The following KCNH1 variants were observed in gnomAD, a reference collection of about 807,000 sequenced individuals.
KCNH1 encodes potassium voltage-gated channel subfamily H member 1.
A neutral mutation model predicts 69.2 loss-of-function variants in KCNH1; 27 were observed. That is an observed-to-expected ratio of 0.39 (90% CI 0.29 to 0.54). The LOEUF (loss-of-function observed/expected upper bound fraction) is 0.54, where lower values mean the gene tolerates loss of function less well. Among genes scored for constraint, KCNH1 ranks in the 20% least tolerant of loss-of-function variants. The pLI is 0.68. For missense variants in KCNH1, 798 were observed against 1,261.6 expected, an observed-to-expected ratio of 0.63 and a Z score of 5.57; for synonymous variants, 456 against 487.7, an observed-to-expected ratio of 0.93 and a Z score of 0.86.
At chr1:210,693,457 G>A (rs1253648005) in intron 10 of KCNH1, among the ~76,000 whole-genome samples, 1 of 152,200 alleles carries the variant, frequency 6.6e-6, no homozygotes, top group Admixed American at 6.5e-5. Context: ...GGTGGGAGGA[G>A]CAACCAAAGA....
intron 10 of KCNH1, among the ~76,000 whole-genome samples, chr1:210,774,790 C>G (rs1176922388): frequency 6.6e-6 from 1 of 152,176 alleles, no homozygotes; most frequent in Non-Finnish European, 1.5e-5. Flanking sequence ...GGTTCTTAAA[C>G]CACCAATCAT....
chr1:211,124,719 G>C (rs2102500449), intron 1 of KCNH1, among the ~76,000 whole-genome samples: 1 of 152,282 alleles, frequency 6.6e-6, no homozygotes, highest in African/African-American at 2.4e-5. Flanking sequence ...ATACTCAATG[G>C]GTAATTTGAG....
rs376196202 is a variant in KCNH1, at chr1:210,919,594, C to G, written c.1462+46G>C. On this transcript the variant is annotated intron_variant, in intron 7 of 10. Coordinates refer to ENST00000271751, the MANE Select transcript of KCNH1 (RefSeq NM_172362.3). This position sits in a 1 kb window ranked among gnomAD's most constrained non-coding sequence, Gnocchi z 4.2. ...ACTGTAGCCATTTCCCTGTTTCCAG[C>G]TAACAGAAGAGATGGCCAACCCCAC... is the stretch of plus-strand genomic sequence containing the variant. 1 of 1,530,804 alleles carries G rather than the reference C, an allele frequency of 6.5e-7. No individual in the cohort carries two copies. Among genetic ancestry groups the G allele is most frequent in the African/African-American group, 1.4e-5 (1 of 73,372 alleles). The allele number at this position is 1,530,804 out of a possible 1,614,324, so 94.8% of individuals were successfully genotyped here.
intron 7 of KCNH1, among the ~76,000 whole-genome samples, chr1:210,839,107 C>T (rs1256368773): frequency 2.0e-5 from 3 of 152,136 alleles, no homozygotes; most frequent in Admixed American, 6.6e-5. Context: ...GTCACATGCA[C>T]GCATATGTTC....
chr1:210,692,423 A>G (rs1310488227), intron 10 of KCNH1, among the ~76,000 whole-genome samples: 2 of 152,162 alleles, frequency 1.3e-5, no homozygotes, highest in African/African-American at 4.8e-5. Context: ...GCTGCTGTGC[A>G]AGAGTTGCTA....
intron 1 of KCNH1, among the ~76,000 whole-genome samples, chr1:211,123,902 G>A (rs985352302): frequency 6.6e-6 from 1 of 152,082 alleles, no homozygotes; most frequent in South Asian, 2.1e-4. Context: ...GTGTTACTAG[G>A]GACACGTGAG....
intron 7 of KCNH1, chr1:210,858,022 T>C (rs1398023925): frequency 6.6e-6 from 1 of 152,214 alleles, no homozygotes; most frequent in Non-Finnish European, 1.5e-5. Flanking sequence ...CATTTTGTAC[T>C]CTTTCTAGGT....
Position 210,765,907 on chromosome 1 carries a change from C to CA in KCNH1, c.2112+9440dup, listed in dbSNP as rs549341129. On this transcript the variant is annotated intron_variant, in intron 10 of 10. Transcript: ENST00000271751. The stretch of plus-strand genomic sequence containing the variant: ...TGAAACCCTGTCTCCAATAAAAATA[C>CA]AAAAAATTAGCCGGGCGTGGTGGCA... Among the ~76,000 whole-genome samples, 377 of 151,568 alleles carry CA rather than the reference C, an allele frequency of 2.5e-3. 1 individual carries two copies. The highest frequency in any genetic ancestry group is 8.7e-3 in the African/African-American group (358 of 41,326).
intron 5 of KCNH1, among the ~76,000 whole-genome samples, chr1:211,063,046 T>A (rs1043145401): frequency 6.6e-6 from 1 of 152,204 alleles, no homozygotes; most frequent in Non-Finnish European, 1.5e-5. Flanking sequence ...AGCCAGCATA[T>A]GGAATCAACC....
intron 10 of KCNH1, among the ~76,000 whole-genome samples, chr1:210,713,538 C>G (rs1682131365): frequency 6.6e-6 from 1 of 152,162 alleles, no homozygotes; most frequent in African/African-American, 2.4e-5. Context: ...TCCTTGCTCT[C>G]CATAAAGAAA....
chr1:210,844,375 T>C (rs990004529), intron 7 of KCNH1, among the ~76,000 whole-genome samples: 2 of 151,902 alleles, frequency 1.3e-5, no homozygotes, highest in Non-Finnish European at 2.9e-5. Context: ...ACAAAAAAAT[T>C]AGCTGGGCAC....
chr1:210,693,874 T>TTGGCCCC (rs1681579800), intron 10 of KCNH1, among the ~76,000 whole-genome samples: 1 of 152,160 alleles, frequency 6.6e-6, no homozygotes, highest in African/African-American at 2.4e-5. Context: ...CTACAGGGCT[T>TTGGCCCC]TGGCCCCTAA....
At chr1:210,975,834 T>C (rs908767095) in intron 6 of KCNH1, among the ~76,000 whole-genome samples, 2 of 152,018 alleles carry the variant, frequency 1.3e-5, no homozygotes, top group Non-Finnish European at 2.9e-5. Context: ...TGGGAGAAAA[T>C]TTTTGCAGTC....
At chr1:210,824,398 T>C (rs904023488) in intron 7 of KCNH1, among the ~76,000 whole-genome samples, 3 of 152,154 alleles carry the variant, frequency 2.0e-5, no homozygotes, top group African/African-American at 4.8e-5. Flanking sequence ...TTTTAGAATA[T>C]GTGTTTATTC....
At chr1:211,057,841 G>C (rs1690341912) in intron 5 of KCNH1, among the ~76,000 whole-genome samples, 1 of 152,174 alleles carries the variant, frequency 6.6e-6, no homozygotes, top group Middle Eastern at 3.4e-3. Context: ...TCAAGAGAAA[G>C]ATATTAATAT....
At chr1:210,751,982 A>T (rs1030198542) in intron 10 of KCNH1, among the ~76,000 whole-genome samples, 1 of 152,140 alleles carries the variant, frequency 6.6e-6, no homozygotes, top group Non-Finnish European at 1.5e-5. Flanking sequence ...ACAGAATCTG[A>T]GCTGGATTTT....
At chr1:210,989,279 A>G (rs912937869) in intron 6 of KCNH1, among the ~76,000 whole-genome samples, 7 of 152,218 alleles carry the variant, frequency 4.6e-5, no homozygotes, top group African/African-American at 1.4e-4. Context: ...AACTTCCAAT[A>G]TGTTTATGAA....
At chr1:210,944,281 A>G (rs940191687) in intron 6 of KCNH1, among the ~76,000 whole-genome samples, 5 of 152,248 alleles carry the variant, frequency 3.3e-5, no homozygotes, top group African/African-American at 1.2e-4. Context: ...AATGGCTTTT[A>G]AAGTCATAAT....
At chr1:210,764,507 TAAATC>T (rs1683585731) in intron 10 of KCNH1, among the ~76,000 whole-genome samples, 1 of 151,944 alleles carries the variant, frequency 6.6e-6, no homozygotes, top group South Asian at 2.1e-4. Flanking sequence ...ATGAGGAACT[TAAATC>T]AACAAGCAAA....
Sources: allele counts gnomAD v4.1 joint callset (sites outside exome capture counted in the v4.1 genomes callset), GRCh38; gene constraint gnomAD v4.1.1; non-coding constraint Gnocchi (gnomAD v3.1); transcripts MANE v1.5; gene names NCBI Gene and HGNC (gene_info 2026-07-23, HGNC 2026-07-21).